Variants in DPY19L1 observed in about 807,000 individuals in gnomAD.
DPY19L1 encodes protein C-mannosyl-transferase DPY19L1.
A neutral mutation model predicts 96.9 loss-of-function variants in DPY19L1; 35 were observed. The observed-to-expected ratio is 0.36, with a 90% CI of 0.28 to 0.48. The LOEUF (loss-of-function observed/expected upper bound fraction) is 0.48. Among genes scored for constraint, DPY19L1 ranks in the 20% least tolerant of loss-of-function variants. The pLI, the probability that DPY19L1 is intolerant of heterozygous loss-of-function variation, is 0.99. For synonymous variants in DPY19L1, 205 were observed against 252.6 expected (o/e 0.81, Z 1.79); for missense variants, 521 against 777.9 (o/e 0.67, Z 3.93).
intron 4 of DPY19L1, among the ~76,000 whole-genome samples, chr7:35,012,958 T>TAC (rs1290977343): frequency 6.6e-6 from 1 of 152,080 alleles, no homozygotes; most frequent in East Asian, 1.9e-4. Context: ...CTGATATATA[T>TAC]ATATAAAATC....
At chr7:34,936,742 G>T (rs1649210) in intron 21 of DPY19L1, among the ~76,000 whole-genome samples, 42,657 of 152,044 alleles carry the variant, frequency 0.28, 6,180 homozygotes, top group Non-Finnish European at 0.33. Context: ...TTCAAACCAC[G>T]TAGCACACGT....
chr7:34,989,988 T>C, intron 6 of DPY19L1, 47 bp from the exon 7 acceptor site: 2 of 1,541,316 alleles, frequency 1.3e-6, no homozygotes, highest in African/African-American at 1.4e-5. Flanking sequence ...TTCAGGTCAA[T>C]CCTAAGAAAA....
Position 35,017,931 on chromosome 7 carries a change from A to C in DPY19L1, c.362T>G (p.Phe121Cys), listed in dbSNP as rs1276760767. Residue 121 changes from phenylalanine (F) to cysteine (C), a missense_variant, in exon 3 of 22, where the codon TTT (phenylalanine) becomes TGT (cysteine). Transcript: ENST00000638088. ...CCTTTCCAATGTTGAGAGGTGAGAA[A>C]AATGACGGTCATTTTCAAAGAGGTG... is the stretch of plus-strand genomic sequence containing the variant. ...ITHLFENDRHFSHLSTLEREM... is the reference protein window; with the variant it reads ...ITHLFENDRHCSHLSTLEREM... 6.2e-7 allele frequency: 1 copy of C among 1,606,016 alleles called. No homozygotes were observed. The highest frequency in any genetic ancestry group is 8.5e-7 in the Non-Finnish European group (1 of 1,175,868).
At chr7:34,984,924 A>T (rs1440333106) in intron 7 of DPY19L1, among the ~76,000 whole-genome samples, 1 of 152,100 alleles carries the variant, frequency 6.6e-6, no homozygotes, top group Non-Finnish European at 1.5e-5. Flanking sequence ...AGATTATCCC[A>T]CTTCATTCAC....
chr7:34,975,659 A>T (rs1230399571), intron 7 of DPY19L1, among the ~76,000 whole-genome samples: 1 of 152,232 alleles, frequency 6.6e-6, no homozygotes, highest in Non-Finnish European at 1.5e-5. Flanking sequence ...TCCTAGTCAG[A>T]GAGAAGTCAG....
At position 34,928,928 on chromosome 7, in the gene DPY19L1, C is replaced by T. The variant is rs561348732; in HGVS notation, c.*2645G>A. 6.6e-6 allele frequency: 1 copy of T among 152,276 alleles called. No individual in the cohort carries two copies. Among genetic ancestry groups the T allele is most frequent in the South Asian group, 2.1e-4 (1 of 4,828 alleles). The allele number at this position is 152,276 out of a possible 1,614,324, so 9.4% of individuals were successfully genotyped here. On this transcript the variant is annotated 3_prime_UTR_variant, in exon 22 of 22. Transcript: ENST00000638088. Reference sequence around the variant, plus strand: ...ATTTAACATATATAGTACATGTAAACAACTGGCATAAAATTCATAAAAATA... The same window carrying T: ...ATTTAACATATATAGTACATGTAAATAACTGGCATAAAATTCATAAAAATA...
chr7:35,028,663 G>A lies in DPY19L1; in HGVS notation c.298+8434C>T, dbSNP rs1249911579. Among the ~76,000 whole-genome samples, 6 of 152,200 alleles carry A rather than the reference G, an allele frequency of 3.9e-5. No individual in the cohort carries two copies. The East Asian group carries it at 1.2e-3, about 29-fold the overall frequency. ...GGCGAGTCCAAAGCAAGTTCATTCA[G>A]TAAAGGAATAAAGAATGGCTACTCC... On this transcript the variant is annotated intron_variant, in intron 1 of 21. Transcript: ENST00000638088.
intron 6 of DPY19L1, among the ~76,000 whole-genome samples, chr7:35,010,152 C>T (rs185689308): frequency 4.2e-4 from 64 of 152,228 alleles, no homozygotes; most frequent in African/African-American, 1.5e-3. Flanking sequence ...ATCGCTTGAA[C>T]CCAGGAGGCG....
In DPY19L1 at chr7:34,929,193, T is replaced by C. The variant is rs1783698054; in HGVS notation, c.*2380A>G. 1 of 152,224 alleles carries C rather than the reference T, an allele frequency of 6.6e-6. No individual in the cohort carries two copies. The highest frequency in any genetic ancestry group is 1.5e-5 in the Non-Finnish European group (1 of 68,048). The allele number at this position is 152,224 out of a possible 1,614,324, so 9.4% of individuals were successfully genotyped here. ...CAAAAATATTTGTAAATGCTAACAA[T>C]ATGCAAAACACTGAGCTTTAATACT... is the stretch of plus-strand genomic sequence containing the variant. On this transcript the variant is annotated 3_prime_UTR_variant, in exon 22 of 22. Coordinates refer to ENST00000638088, the MANE Select transcript of DPY19L1 (RefSeq NM_001366673.1).
intron 15 of DPY19L1, among the ~76,000 whole-genome samples, chr7:34,946,379 G>A (rs1784146644): frequency 6.6e-6 from 1 of 152,220 alleles, no homozygotes; most frequent in Non-Finnish European, 1.5e-5. Context: ...TAAGGAGCCA[G>A]ATTGTGTGTA....
intron 7 of DPY19L1, among the ~76,000 whole-genome samples, chr7:34,988,832 ATAG>A (rs140245094): frequency 0.049 from 7,400 of 152,322 alleles, 402 homozygotes; most frequent in African/African-American, 0.13. Flanking sequence ...TTCTGAATTT[ATAG>A]TAGAATTTAA....
intron 7 of DPY19L1, among the ~76,000 whole-genome samples, chr7:34,982,468 C>A (rs1280308786): frequency 1.3e-5 from 2 of 152,272 alleles, no homozygotes; most frequent in East Asian, 3.9e-4. Context: ...TAGAGCATTT[C>A]TGTAAGTTTC....
At position 34,954,711 on chromosome 7, in the gene DPY19L1, C is replaced by A. The variant is rs1405998735; in HGVS notation, c.1307G>T (p.Gly436Val). Residue 436 changes from glycine (G) to valine (V), a missense_variant, in exon 13 of 22, where the codon GGT (glycine) becomes GTT (valine). Coordinates refer to ENST00000638088, the MANE Select transcript of DPY19L1 (RefSeq NM_001366673.1). Reference sequence around the variant, plus strand: ...AAATGCACTTACGTCATCTGCAATACCAAAAATTTTAGATGTCAAGTATTT... The same window carrying A: ...AAATGCACTTACGTCATCTGCAATAACAAAAATTTTAGATGTCAAGTATTT... ...ILKYLTSKIFGIADDAHIGNL... is the reference protein window; with the variant it reads ...ILKYLTSKIFVIADDAHIGNL... 3 of 1,552,446 alleles carry A rather than the reference C, an allele frequency of 1.9e-6. No individual in the cohort carries two copies. Among genetic ancestry groups the A allele is most frequent in the Non-Finnish European group, 2.6e-6 (3 of 1,136,806 alleles).
chr7:34,964,343 T>C (rs1204032523), intron 10 of DPY19L1, among the ~76,000 whole-genome samples: 3 of 152,192 alleles, frequency 2.0e-5, no homozygotes, highest in Non-Finnish European at 4.4e-5. Context: ...TAGTTGCCTA[T>C]GTGACCAGCC....
At chr7:34,942,809 CTATTT>C (rs2128782180) in intron 16 of DPY19L1, among the ~76,000 whole-genome samples, 170 bp from the exon 17 acceptor site, 1 of 152,270 alleles carries the variant, frequency 6.6e-6, no homozygotes, top group Non-Finnish European at 1.5e-5. Flanking sequence ...TGGTGCTATA[CTATTT>C]TAAGAAAATT....
At chr7:34,937,710 T>C (rs1475076132) in intron 21 of DPY19L1, among the ~76,000 whole-genome samples, 3 of 151,720 alleles carry the variant, frequency 2.0e-5, no homozygotes, top group Non-Finnish European at 1.5e-5. Context: ...AAGGCAGGAG[T>C]AGCACTTGAG....
At chr7:34,966,807 C>A in intron 10 of DPY19L1, 87 bp downstream of exon 10, 18 of 1,195,986 alleles carry the variant, frequency 1.5e-5, no homozygotes, top group Non-Finnish European at 2.1e-5. Flanking sequence ...GAAATTGTTA[C>A]AACTAGTTTC....
chr7:34,998,467 T>G (rs940001515), intron 6 of DPY19L1, among the ~76,000 whole-genome samples: 1 of 152,152 alleles, frequency 6.6e-6, no homozygotes, highest in African/African-American at 2.4e-5. Flanking sequence ...TGACCCTGCC[T>G]CAGAAAGTGT....
intron 6 of DPY19L1, among the ~76,000 whole-genome samples, chr7:34,993,599 C>T (rs1218988853): frequency 6.6e-6 from 1 of 151,852 alleles, no homozygotes; most frequent in Admixed American, 6.6e-5. Context: ...GAACCAGTCT[C>T]CCAACCCTGC....
Sources: gnomAD v4.1 joint callset for allele counts (sites outside exome capture counted in the v4.1 genomes callset) on GRCh38, gnomAD v4.1.1 for gene constraint, MANE v1.5 for transcripts, NCBI Gene and HGNC (gene_info 2026-07-23, HGNC 2026-07-21) for gene names.